THRA: variants seen among roughly 807,000 people sequenced by gnomAD.
THRA encodes thyroid hormone receptor alpha.
In THRA, 13 loss-of-function variants were observed where a neutral mutation model predicts 45.0. That is an observed-to-expected ratio of 0.29 (90% CI 0.19 to 0.46). The LOEUF is 0.46. Among genes scored for constraint, THRA ranks in the 20% least tolerant of loss-of-function variants. THRA has a pLI of 1.00. For missense variants in THRA, 278 were observed against 556.1 expected (o/e 0.50, Z 5.03); for synonymous variants, 195 against 214.0 (o/e 0.91, Z 0.78).
chr17:40,077,680 C>T (rs1018478295), intron 4 of THRA, 72 bp downstream of exon 4: 14 of 1,259,606 alleles, frequency 1.1e-5, no homozygotes, highest in Middle Eastern at 2.1e-4. Context: ...ACCTAAAGCC[C>T]GCCTGTTAGG....
At chr17:40,084,449 C>G in intron 5 of THRA, 161 bp from the exon 6 acceptor site, 1 of 722,372 alleles carries the variant, frequency 1.4e-6, no homozygotes, top group Non-Finnish European at 2.4e-6. Flanking sequence ...TAATCATGAT[C>G]CGGGTTGTGC....
At chr17:40,086,523 A>G (rs979980984) in intron 6 of THRA, among the ~76,000 whole-genome samples, 184 bp from the exon 7 acceptor site, 8 of 152,296 alleles carry the variant, frequency 5.3e-5, no homozygotes, top group African/African-American at 1.7e-4. Context: ...TTATTAGCTG[A>G]CTTGGAGCTC....
In THRA at chr17:40,090,014, A is replaced by C. The variant is rs975715974; in HGVS notation, c.*558A>C. 3 of 988,162 alleles carry C rather than the reference A, an allele frequency of 3.0e-6. No individual in the cohort carries two copies. In the African/African-American group the frequency reaches 5.2e-5, roughly 17 times the overall value. 61.2% of individuals were successfully genotyped at this position (988,162 alleles called of 1,614,324 possible). A position where few individuals can be genotyped will look rare whatever the true frequency, so the allele number is the denominator to read the frequency against. On this transcript the variant is annotated 3_prime_UTR_variant, in exon 9 of 9. Coordinates refer to ENST00000450525, the MANE Select transcript of THRA (RefSeq NM_199334.5). The stretch of plus-strand genomic sequence containing the variant: ...TGGAAACCAAGCAAGGGGAGAAGAC[A>C]AATGAAGAAAAACTAGACAGAGAGA...
At position 40,084,666 on chromosome 17, in the gene THRA, G is replaced by C. The variant is rs1180089025; in HGVS notation, c.427G>C (p.Glu143Gln). The C allele has an allele frequency of 6.2e-7, 1 of 1,614,104 alleles. No homozygotes were observed. Among genetic ancestry groups the C allele is most frequent in the Admixed American group, 1.7e-5 (1 of 60,008 alleles). The change falls in exon 6 of 9, where the codon GAG becomes CAG. Residue 143 changes from glutamate to glutamine, a missense_variant. Transcript: ENST00000450525. ...GCGTAAGCTGATTGAGCAGAACCGG[G>C]AGCGGCGGCGGAAGGAGGAGATGAT... The part of the protein sequence containing the change: ...AKRKLIEQNR[E>Q]RRRKEEMIRS...
intron 1 of THRA, among the ~76,000 whole-genome samples, chr17:40,064,051 C>T (rs1986464591): frequency 6.6e-6 from 1 of 152,096 alleles, no homozygotes; most frequent in Non-Finnish European, 1.5e-5. Flanking sequence ...GACACGCAGA[C>T]ACAGAGATAT....
Position 40,074,525 on chromosome 17 carries a change from G to C in THRA, c.37G>C (p.Asp13His). The change falls in exon 2 of 9, where the codon GAC (aspartate) becomes CAC (histidine). Residue 13 changes from aspartate to histidine, a missense_variant. Asp to His is a moderately conservative substitution (Grantham distance 81, BLOSUM62 -1). Coordinates refer to ENST00000450525, the MANE Select transcript of THRA (RefSeq NM_199334.5). ...QKPSKVECGS[D>H]PEENSARSPD... Reference sequence around the variant, plus strand: ...GCCAAGCAAGGTGGAGTGTGGGTCAGACCCAGAGGAGAACAGGTAATGGGT... The same window carrying C: ...GCCAAGCAAGGTGGAGTGTGGGTCACACCCAGAGGAGAACAGGTAATGGGT... The C allele has an allele frequency of 6.2e-7, 1 of 1,614,104 alleles. No individual in the cohort carries two copies. The highest frequency in any genetic ancestry group is 8.5e-7 in the Non-Finnish European group (1 of 1,179,950).
chr17:40,069,361 C>T (rs888339700), intron 1 of THRA, among the ~76,000 whole-genome samples: 2 of 150,636 alleles, frequency 1.3e-5, no homozygotes, highest in Non-Finnish European at 3.0e-5. Context: ...TCTGGGGTGC[C>T]TGGGAGAACA....
chr17:40,068,012 C>T (rs1986632974), intron 1 of THRA, among the ~76,000 whole-genome samples: 1 of 152,092 alleles, frequency 6.6e-6, no homozygotes, highest in Non-Finnish European at 1.5e-5. Context: ...AGAGTGAGAC[C>T]CCCCACACAC....
In THRA at chr17:40,092,979, A is replaced by G; in HGVS notation, c.*3523A>G. ...ATCTTGGAATATTTTATAACAATAT[A>G]AATAAGATTCTGGTTTGCTTTTCCT... On this transcript the variant is annotated 3_prime_UTR_variant, in exon 9 of 9. Transcript: ENST00000450525. 1 of 1,592,882 alleles carries G rather than the reference A, an allele frequency of 6.3e-7. No individual in the cohort carries two copies. The highest frequency in any genetic ancestry group is 8.6e-7 in the Non-Finnish European group (1 of 1,166,258).
At chr17:40,074,146 C>A in intron 1 of THRA, 46 bp from the exon 2 acceptor site, 1 of 299,340 alleles carries the variant, frequency 3.3e-6, no homozygotes, top group Admixed American at 4.4e-5. Context: ...TACCCACCTT[C>A]CTACCGTGAC....
At chr17:40,084,307 A>G in intron 5 of THRA, 1 of 507,684 alleles carries the variant, frequency 2.0e-6, no homozygotes, top group Non-Finnish European at 3.5e-6. Context: ...TCTAGATGAG[A>G]CAGGGCATCT....
chr17:40,088,271 G>C lies in THRA; in HGVS notation c.753G>C (p.Leu251=). The C allele has an allele frequency of 6.2e-7, 1 of 1,603,554 alleles. No individual in the cohort carries two copies. The highest frequency in any genetic ancestry group is 8.5e-7 in the Non-Finnish European group (1 of 1,173,166). ...ELPCEDQIIL[L]KGCCMEIMSL... The stretch of plus-strand genomic sequence containing the variant: ...CTTGCGAAGACCAGATCATCCTCCT[G>C]AAGGGGTGCTGCATGGAGATCATGT... Residue 251 remains leucine (L), a synonymous_variant, in exon 8 of 9, where the codon CTG becomes CTC. Coordinates refer to ENST00000450525, the MANE Select transcript of THRA (RefSeq NM_199334.5).
At chr17:40,087,312 C>CACACACACAGATACAG (rs1419199805) in intron 7 of THRA, among the ~76,000 whole-genome samples, 9 of 150,038 alleles carry the variant, frequency 6.0e-5, no homozygotes, top group African/African-American at 2.2e-4. Context: ...GATACAGACA[C>CACACACACAGATACAG]ACACACACAC....
At chr17:40,077,936 G>A (rs1446982717) in intron 4 of THRA, among the ~76,000 whole-genome samples, 1 of 152,082 alleles carries the variant, frequency 6.6e-6, no homozygotes, top group Non-Finnish European at 1.5e-5. Context: ...GACCTCAGGT[G>A]ACCACCCGTC....
At chr17:40,075,175 T>C (rs543603445) in intron 2 of THRA, among the ~76,000 whole-genome samples, 1 of 152,236 alleles carries the variant, frequency 6.6e-6, no homozygotes, top group African/African-American at 2.4e-5. Flanking sequence ...ACCTGTGATC[T>C]GCATTGCCCT....
chr17:40,066,678 AAAAAAAG>A (rs1986582259), intron 1 of THRA, among the ~76,000 whole-genome samples: 1 of 88,200 alleles, frequency 1.1e-5, no homozygotes, highest in African/African-American at 3.8e-5. Flanking sequence ...AAAAAAAAAA[AAAAAAAG>A]AAAAACAAAA....
At chr17:40,080,216 A>G (rs931655184) in intron 4 of THRA, among the ~76,000 whole-genome samples, 2 of 152,182 alleles carry the variant, frequency 1.3e-5, no homozygotes. Flanking sequence ...CCTGGGCAAC[A>G]TAGTGAGACC....
chr17:40,084,621 G>T lies in THRA; in HGVS notation c.382G>T (p.Asp128Tyr). ...CTCTCTGTTCACAGTGGTTCTAGAT[G>T]ACTCGAAGCGGGTGGCCAAGCGTAA... ...VGMAMDLVLD[D>Y]SKRVAKRKLI... The change falls in exon 6 of 9, where the codon GAC becomes TAC. Residue 128 changes from aspartate (D) to tyrosine (Y), a missense_variant. Physicochemically the swap from Asp to Tyr is radical, Grantham distance 160. Transcript: ENST00000450525. 6.2e-7 allele frequency: 1 copy of T among 1,614,068 alleles called. No individual in the cohort carries two copies. The highest frequency in any genetic ancestry group is 1.1e-5 in the South Asian group (1 of 90,998).
intron 4 of THRA, among the ~76,000 whole-genome samples, chr17:40,083,310 A>G (rs912965985): frequency 4.0e-5 from 6 of 151,152 alleles, no homozygotes; most frequent in Admixed American, 2.0e-4. Context: ...CTCATGATTC[A>G]TCCGCCTTGG....
Sources: allele counts gnomAD v4.1 joint callset (sites outside exome capture counted in the v4.1 genomes callset), GRCh38; gene constraint gnomAD v4.1.1; transcripts MANE v1.5; gene names NCBI Gene and HGNC (gene_info 2026-07-23, HGNC 2026-07-21).